NBEA: variants seen among roughly 807,000 people sequenced by gnomAD.
NBEA encodes neurobeachin, also known as lysosomal-trafficking regulator 2.
NBEA carries 44 observed loss-of-function variants against 343.4 expected under a neutral mutation model. The ratio of observed to expected loss-of-function variants is 0.13; its 90% CI spans 0.10 to 0.16. NBEA has a LOEUF of 0.16. Ranked by LOEUF, NBEA falls within the 10% of genes least tolerant of loss-of-function variation. The pLI, the probability that NBEA is intolerant of heterozygous loss-of-function variation, is 1.00. For missense variants in NBEA, 2,555 were observed against 3,631.3 expected (o/e 0.70, Z 7.62); for synonymous variants, 1,175 against 1,238.7 (o/e 0.95, Z 1.08).
At chr13:35,114,724 A>G (rs1019613849) in intron 13 of NBEA, among the ~76,000 whole-genome samples, 2 of 152,188 alleles carry the variant, frequency 1.3e-5, no homozygotes, top group African/African-American at 4.8e-5. Flanking sequence ...TATATTTTAA[A>G]TGAAAATGAC....
At chr13:35,124,571 G>GAT (rs1035541523) in intron 17 of NBEA, among the ~76,000 whole-genome samples, 13 of 146,956 alleles carry the variant, frequency 8.8e-5, no homozygotes, top group East Asian at 4.0e-4. Context: ...CATATATATG[G>GAT]ATATATATAT....
chr13:35,480,787 TTA>T (rs1471232273), intron 41 of NBEA, among the ~76,000 whole-genome samples: 1 of 152,016 alleles, frequency 6.6e-6, no homozygotes, highest in East Asian at 1.9e-4. Context: ...AGGGTTTTCT[TTA>T]TGTGTCACAT....
intron 1 of NBEA, among the ~76,000 whole-genome samples, chr13:34,977,951 C>T (rs2060234908): frequency 6.6e-6 from 1 of 152,050 alleles, no homozygotes; most frequent in Non-Finnish European, 1.5e-5. Flanking sequence ...GAATAGCTCC[C>T]ATTATGCCTG....
intron 1 of NBEA, among the ~76,000 whole-genome samples, chr13:35,029,247 A>G (rs532037217): frequency 2.2e-4 from 33 of 151,628 alleles, no homozygotes; most frequent in African/African-American, 7.0e-4. Context: ...CTATAACACC[A>G]TAGTCTATAA....
intron 38 of NBEA, among the ~76,000 whole-genome samples, chr13:35,366,411 A>C (rs2041116329): frequency 6.6e-6 from 1 of 151,362 alleles, no homozygotes; most frequent in Admixed American, 6.6e-5. Context: ...ATTATTATAT[A>C]TTAAAAAAAG....
chr13:35,336,287 A>G (rs1276182565), intron 36 of NBEA, among the ~76,000 whole-genome samples: 1 of 152,136 alleles, frequency 6.6e-6, no homozygotes, highest in Non-Finnish European at 1.5e-5. Context: ...ATTAAAAAGT[A>G]CGACCCACAC....
chr13:35,077,312 G>A (rs2064163562), intron 10 of NBEA, among the ~76,000 whole-genome samples: 1 of 151,958 alleles, frequency 6.6e-6, no homozygotes, highest in Non-Finnish European at 1.5e-5. Flanking sequence ...ATTTCCATGT[G>A]GAAAGTATCT....
chr13:35,325,370 A>G (rs557267169), intron 36 of NBEA, among the ~76,000 whole-genome samples: 3 of 152,136 alleles, frequency 2.0e-5, no homozygotes, highest in African/African-American at 7.2e-5. Flanking sequence ...AGATGTTTTG[A>G]TACAGGGATA....
chr13:35,364,231 T>A (rs2040977398), intron 38 of NBEA, among the ~76,000 whole-genome samples: 1 of 151,888 alleles, frequency 6.6e-6, no homozygotes, highest in South Asian at 2.1e-4. Context: ...CAGCCCTTTC[T>A]CTGCCTATAC....
chr13:35,155,904 A>G lies in NBEA; in HGVS notation c.2527+49A>G, dbSNP rs752787391. On this transcript the variant is annotated intron_variant, in intron 19 of 58. Coordinates refer to ENST00000379939, the MANE Select transcript of NBEA (RefSeq NM_001385012.1). Reference sequence around the variant, plus strand: ...TGTATTGTGGTAGGCGCATGGCAACATATGAGACTAAATCAAAACTTTTCC... The same window carrying G: ...TGTATTGTGGTAGGCGCATGGCAACGTATGAGACTAAATCAAAACTTTTCC... 98 of 1,547,856 alleles carry G rather than the reference A, an allele frequency of 6.3e-5. 2 individuals are homozygous for G. The South Asian group carries it at 1.1e-3, about 17-fold the overall frequency.
chr13:35,155,978 C>A, intron 19 of NBEA, 105 bp from the exon 20 acceptor site: 2 of 1,476,716 alleles, frequency 1.4e-6, no homozygotes, highest in South Asian at 1.2e-5. Context: ...ACAGTTTTAA[C>A]TCACCTTTTA....
At chr13:35,599,350 G>T (rs1005987877) in intron 47 of NBEA, among the ~76,000 whole-genome samples, 1 of 152,106 alleles carries the variant, frequency 6.6e-6, no homozygotes, top group African/African-American at 2.4e-5. Flanking sequence ...TTTATTCATC[G>T]ACAATTATGC....
Position 35,159,029 on chromosome 13 carries a change from C to A in NBEA, c.2858C>A (p.Ala953Asp). The A allele has an allele frequency of 6.2e-7, 1 of 1,600,246 alleles. No homozygotes were observed. Among genetic ancestry groups the A allele is most frequent in the Admixed American group, 1.7e-5 (1 of 57,538 alleles). Reference protein sequence around the residue: ...SIAHSKVTYEAHKEYLAKMYE... With the variant: ...SIAHSKVTYEDHKEYLAKMYE... ...CTTATTCCTAAGGTCACTTATGAAGCTCATAAGGAATACCTAGCCAAAATG... is the reference window on the plus strand; with the variant it reads ...CTTATTCCTAAGGTCACTTATGAAGATCATAAGGAATACCTAGCCAAAATG... The change falls in exon 22 of 59, where the codon GCT (alanine) becomes GAT (aspartate). Residue 953 changes from alanine (A) to aspartate (D), a missense_variant. Ala to Asp is a moderately radical substitution (Grantham distance 126). This residue lies in a region of NBEA where 18 missense variants were observed against 21.7 expected (regional missense o/e 0.83). Transcript: ENST00000379939.
At chr13:34,946,476 TTTAC>T (rs1341123843) in intron 1 of NBEA, among the ~76,000 whole-genome samples, 6 of 152,100 alleles carry the variant, frequency 3.9e-5, no homozygotes, top group Admixed American at 1.3e-4. Context: ...AGGATTAATA[TTTAC>T]TTAGTGAAAG....
intron 39 of NBEA, among the ~76,000 whole-genome samples, chr13:35,433,707 A>G (rs2045258339): frequency 6.6e-6 from 1 of 152,020 alleles, no homozygotes; most frequent in Admixed American, 6.6e-5. Context: ...CTGGAAAAAA[A>G]TTATAGTTTG....
intron 39 of NBEA, among the ~76,000 whole-genome samples, chr13:35,445,799 T>TAC (rs1555267156): frequency 6.0e-4 from 51 of 84,306 alleles, no homozygotes; most frequent in Middle Eastern, 5.4e-3. Flanking sequence ...TATATATATA[T>TAC]ATATATATAT....
chr13:34,975,384 G>A lies in NBEA; in HGVS notation c.294+32270G>A, dbSNP rs906580492. ...AAAAGGACACCCTATTCAACAGATG[G>A]TGCTGGGATAATTGACAAGCCACAT... On this transcript the variant is annotated intron_variant, in intron 1 of 58. Coordinates refer to ENST00000379939, the MANE Select transcript of NBEA (RefSeq NM_001385012.1). Among the ~76,000 whole-genome samples, 5 of 152,282 alleles carry A rather than the reference G, an allele frequency of 3.3e-5. No homozygotes were observed. In the South Asian group the frequency reaches 6.2e-4, roughly 19 times the overall value.
rs545447490 is a variant in NBEA at position 35,562,535 on chromosome 13, A to G, written c.6923-4370A>G. ...ATGATCAGCTAATGAATTCAGCACA[A>G]CTTCTCCAACCCCAACCTTTTTCTC... On this transcript the variant is annotated intron_variant, in intron 44 of 58. Transcript: ENST00000379939. 5.3e-5 allele frequency among the ~76,000 whole-genome samples: 8 copies of G among 152,066 alleles called. No individual in the cohort carries two copies. The South Asian group carries it at 1.2e-3, about 24-fold the overall frequency.
intron 10 of NBEA, among the ~76,000 whole-genome samples, chr13:35,088,006 C>T (rs73483945): frequency 9.2e-5 from 14 of 151,848 alleles, no homozygotes; most frequent in African/African-American, 3.4e-4. Flanking sequence ...AAGAAGAAGA[C>T]TTTATATTTT....
Sources: allele counts gnomAD v4.1 joint callset (sites outside exome capture counted in the v4.1 genomes callset), GRCh38; gene constraint gnomAD v4.1.1; regional missense constraint gnomAD v4.1.1; transcripts MANE v1.5; gene names NCBI Gene and HGNC (gene_info 2026-07-23, HGNC 2026-07-21).